The following PLA2G4A variants were observed in gnomAD, a reference collection of about 807,000 sequenced individuals.
The protein encoded by PLA2G4A is cytosolic phospholipase A2.
Under a neutral mutation model 81.9 loss-of-function variants are expected in PLA2G4A, and 40 were observed. That is an observed-to-expected ratio of 0.49 (90% CI 0.38 to 0.64). The LOEUF (loss-of-function observed/expected upper bound fraction) is 0.64. Among genes scored for constraint, PLA2G4A ranks in the 30% least tolerant of loss-of-function variants. The pLI, the probability that PLA2G4A is intolerant of heterozygous loss-of-function variation, is 0.00. For synonymous variants in PLA2G4A, 302 were observed against 296.9 expected (o/e 1.02, Z -0.18); for missense variants, 715 against 905.1 (o/e 0.79, Z 2.69).
chr1:186,886,050 C>T (rs1653927098), intron 3 of PLA2G4A, among the ~76,000 whole-genome samples: 1 of 151,916 alleles, frequency 6.6e-6, no homozygotes, highest in African/African-American at 2.4e-5. Flanking sequence ...CTCAACAAAA[C>T]AGAGAGGAAC....
chr1:186,949,404 G>GAAAAA (rs10631853), intron 12 of PLA2G4A, among the ~76,000 whole-genome samples: 31 of 147,156 alleles, frequency 2.1e-4, no homozygotes, highest in South Asian at 1.1e-3. Context: ...GAAAAAGAAA[G>GAAAAA]AAGAAAGAAA....
chr1:186,920,336 C>T (rs1655302065), intron 7 of PLA2G4A, among the ~76,000 whole-genome samples: 1 of 152,180 alleles, frequency 6.6e-6, no homozygotes, highest in Non-Finnish European at 1.5e-5. Context: ...TCATGTCCCC[C>T]CACCGAGCAG....
At chr1:186,849,064 A>G (rs1205815033) in intron 1 of PLA2G4A, among the ~76,000 whole-genome samples, 1 of 152,090 alleles carries the variant, frequency 6.6e-6, no homozygotes, top group East Asian at 1.9e-4. Context: ...TTAAATAAAT[A>G]GAGAGCTAAT....
chr1:186,931,362 T>A lies in PLA2G4A; in HGVS notation c.559-1401T>A, dbSNP rs1655737993. ...TATGAGGTTTCAAGTTTGCATGTAGTTTGATGCCTAGTGTTTTTTGATTTA... is the reference window on the plus strand; with the variant it reads ...TATGAGGTTTCAAGTTTGCATGTAGATTGATGCCTAGTGTTTTTTGATTTA... On this transcript the variant is annotated intron_variant, in intron 7 of 17. Transcript: ENST00000367466. Among the ~76,000 whole-genome samples the A allele has an allele frequency of 1.3e-5, 2 of 152,080 alleles. 1 individual carries two copies. Among genetic ancestry groups the A allele is most frequent in the Non-Finnish European group, 2.9e-5 (2 of 68,026 alleles).
intron 8 of PLA2G4A, among the ~76,000 whole-genome samples, chr1:186,936,288 A>C (rs1161689132): frequency 1.3e-5 from 2 of 151,992 alleles, no homozygotes; most frequent in Non-Finnish European, 2.9e-5. Context: ...CAATATTAAC[A>C]GAAATTGTCA....
At chr1:186,888,866 G>C (rs1196866814) in intron 3 of PLA2G4A, among the ~76,000 whole-genome samples, 1 of 151,930 alleles carries the variant, frequency 6.6e-6, no homozygotes, top group Admixed American at 6.6e-5. Context: ...AAAGAGCATT[G>C]GCCTTATGAG....
chr1:186,924,467 A>G lies in PLA2G4A; in HGVS notation c.559-8296A>G, dbSNP rs760076155. Among the ~76,000 whole-genome samples the G allele has an allele frequency of 2.6e-5, 4 of 152,136 alleles. No individual in the cohort carries two copies. The South Asian group carries it at 8.3e-4, about 32-fold the overall frequency. ...CACTTACTCCCTTTTCACGGTCTTT[A>G]TCATGCCTCTTTGGTGTTCTTTACC... is the stretch of plus-strand genomic sequence containing the variant. On this transcript the variant is annotated intron_variant, in intron 7 of 17. Coordinates refer to ENST00000367466, the MANE Select transcript of PLA2G4A (RefSeq NM_024420.3).
intron 1 of PLA2G4A, among the ~76,000 whole-genome samples, chr1:186,841,823 C>A (rs1221077987): frequency 6.6e-6 from 1 of 152,120 alleles, no homozygotes; most frequent in Non-Finnish European, 1.5e-5. Context: ...GTTTCCTGAT[C>A]CTTAAGATGG....
intron 17 of PLA2G4A, among the ~76,000 whole-genome samples, chr1:186,983,524 G>A (rs1381796425): frequency 1.3e-5 from 2 of 152,130 alleles, no homozygotes; most frequent in African/African-American, 4.8e-5. Context: ...TGCCTGCTTT[G>A]CCAAAGCTAA....
intron 6 of PLA2G4A, among the ~76,000 whole-genome samples, chr1:186,908,579 A>T (rs1204783859): frequency 6.6e-6 from 1 of 152,122 alleles, no homozygotes; most frequent in African/African-American, 2.4e-5. Flanking sequence ...ATACACGTAT[A>T]CCACATGTTA....
chr1:186,853,601 T>G (rs550459031), intron 1 of PLA2G4A, among the ~76,000 whole-genome samples: 7 of 152,090 alleles, frequency 4.6e-5, no homozygotes, highest in Admixed American at 3.3e-4. Context: ...AAGTGTATGT[T>G]GTTTTATGAA....
intron 5 of PLA2G4A, among the ~76,000 whole-genome samples, chr1:186,900,804 C>G (rs1376918762): frequency 6.6e-6 from 1 of 152,154 alleles, no homozygotes; most frequent in Non-Finnish European, 1.5e-5. Context: ...GGAAAGTTGT[C>G]TCTAAGTTGA....
chr1:186,862,560 G>A (rs1288169611), intron 2 of PLA2G4A, among the ~76,000 whole-genome samples: 5 of 152,072 alleles, frequency 3.3e-5, no homozygotes, highest in African/African-American at 1.2e-4. Context: ...AAGCAGGGAG[G>A]TTTTTAAGAA....
intron 7 of PLA2G4A, among the ~76,000 whole-genome samples, chr1:186,923,263 C>T (rs912622684): frequency 6.6e-5 from 10 of 152,266 alleles, no homozygotes; most frequent in African/African-American, 2.2e-4. Flanking sequence ...AAACTGTCTT[C>T]TTCATATATT....
chr1:186,912,452 C>A lies in PLA2G4A; in HGVS notation c.558+1063C>A, dbSNP rs538315694. On this transcript the variant is annotated intron_variant, in intron 7 of 17. Transcript: ENST00000367466. ...TTCACTGTCCTAGAAATCCTCTGTG[C>A]TCCACCTATCATCTCTCCTCCCTAC... Among the ~76,000 whole-genome samples, 157 of 152,188 alleles carry A rather than the reference C, an allele frequency of 1.0e-3. 1 individual carries two copies. Among genetic ancestry groups the A allele is most frequent in the African/African-American group, 3.5e-3 (144 of 41,550 alleles).
At chr1:186,911,418 ATACTT>A in intron 7 of PLA2G4A, 29 bp downstream of exon 7, 1 of 1,506,560 alleles carries the variant, frequency 6.6e-7, no homozygotes. Context: ...AAGTGTTACT[ATACTT>A]TAATAATAAT....
intron 12 of PLA2G4A, among the ~76,000 whole-genome samples, chr1:186,949,330 G>T (rs12720635): frequency 1.0e-5 from 1 of 98,178 alleles, no homozygotes; most frequent in South Asian, 3.0e-4. Context: ...AAGGAAGGAA[G>T]GAAAGAAGAA....
rs184358122 is a variant in PLA2G4A at position 186,920,931 on chromosome 1, G to A, written c.558+9542G>A. ...GCAATTTTCTCCTGATATCTTCCGC[G>A]CTTTGACTAACTAAGGCCATGTTAA... On this transcript the variant is annotated intron_variant, in intron 7 of 17. Coordinates refer to ENST00000367466, the MANE Select transcript of PLA2G4A (RefSeq NM_024420.3). Among the ~76,000 whole-genome samples, 288 of 152,268 alleles carry A rather than the reference G, an allele frequency of 1.9e-3. 3 individuals are homozygous for A. The highest frequency in any genetic ancestry group is 2.9e-3 in the Admixed American group (44 of 15,306).
chr1:186,855,030 A>T (rs1403511894), intron 2 of PLA2G4A, among the ~76,000 whole-genome samples: 1 of 151,980 alleles, frequency 6.6e-6, no homozygotes, highest in Non-Finnish European at 1.5e-5. Flanking sequence ...CCATAGCCTC[A>T]TTTTTACTTG....
Sources: gnomAD v4.1 joint callset for allele counts (sites outside exome capture counted in the v4.1 genomes callset) on GRCh38, gnomAD v4.1.1 for gene constraint, MANE v1.5 for transcripts, NCBI Gene and HGNC (gene_info 2026-07-23, HGNC 2026-07-21) for gene names.